Variants in PIK3R4 observed in about 807,000 individuals in gnomAD.
The protein encoded by PIK3R4 is phosphoinositide-3-kinase regulatory subunit 4.
In PIK3R4, 46 loss-of-function variants were observed where a neutral mutation model predicts 136.5. That is an observed-to-expected ratio of 0.34 (90% confidence interval 0.27 to 0.43). The LOEUF (loss-of-function observed/expected upper bound fraction) is 0.43, where lower values mean the gene tolerates loss of function less well. PIK3R4 is among the 20% of genes least tolerant of loss of function. The probability of loss-of-function intolerance (pLI) is 1.00; values close to 1 mark genes in which losing one functional copy is unlikely to be tolerated. For missense variants in PIK3R4, 1,331 were observed against 1,649.5 expected (o/e 0.81, Z 3.35); for synonymous variants, 557 against 566.7 (o/e 0.98, Z 0.24).
At chr3:130,708,232 A>G in intron 10 of PIK3R4, 59 bp downstream of exon 10, 3 of 1,332,458 alleles carry the variant, frequency 2.3e-6, no homozygotes, top group African/African-American at 2.9e-5. Context: ...TAGCTAAAAA[A>G]CAGTCTTATG....
In PIK3R4 at chr3:130,706,312, T is replaced by A. The variant is rs113433067; in HGVS notation, c.2722-541A>T. Among the ~76,000 whole-genome samples, 304 of 152,350 alleles carry A rather than the reference T, an allele frequency of 2.0e-3. 1 individual carries two copies. The highest frequency in any genetic ancestry group is 7.1e-3 in the African/African-American group (296 of 41,580). ...GCCTACCTTAAACATGCTCAGAACC[T>A]TACATTAGCCAACAGTTGGGCAAAT... On this transcript the variant is annotated intron_variant, in intron 11 of 19. Transcript: ENST00000356763.
intron 13 of PIK3R4, among the ~76,000 whole-genome samples, chr3:130,692,648 G>T (rs926656926): frequency 6.6e-6 from 1 of 152,060 alleles, no homozygotes; most frequent in Non-Finnish European, 1.5e-5. Flanking sequence ...TATGAATAAC[G>T]CTGCTATAAA....
intron 9 of PIK3R4, among the ~76,000 whole-genome samples, chr3:130,711,018 G>GAA (rs112435668): frequency 5.4e-4 from 71 of 131,454 alleles, no homozygotes; most frequent in African/African-American, 1.6e-3. Context: ...GAAAAGGAAA[G>GAA]AAAAAAAAAA....
chr3:130,716,569 A>G lies in PIK3R4; in HGVS notation c.2158T>C (p.Leu720=), dbSNP rs774168053. 16 of 1,613,654 alleles carry G rather than the reference A, an allele frequency of 9.9e-6. No individual in the cohort carries two copies. The Admixed American group carries it at 2.5e-4, about 25-fold the overall frequency. ...IERKLVLLSV[L]KEPVSRSIFD... is the part of the protein sequence containing the mutation. ...ATAGAACGACTTACTGGTTCCTTTA[A>G]AACACTGAGCAGAACAAGTTTTCTT... Residue 720 remains leucine (L), a synonymous_variant, in exon 9 of 20, where the codon TTA becomes CTA. Coordinates refer to ENST00000356763, the MANE Select transcript of PIK3R4 (RefSeq NM_014602.3).
chr3:130,734,351 A>G (rs1214678304), intron 3 of PIK3R4, among the ~76,000 whole-genome samples: 1 of 152,206 alleles, frequency 6.6e-6, no homozygotes, highest in East Asian at 1.9e-4. Flanking sequence ...ATGGCTCAGT[A>G]TTCCCCATTT....
intron 6 of PIK3R4, among the ~76,000 whole-genome samples, chr3:130,727,921 A>C (rs1232752727): frequency 2.6e-5 from 4 of 152,156 alleles, no homozygotes; most frequent in Non-Finnish European, 5.9e-5. Flanking sequence ...AAAATCAAGA[A>C]TTGTAAAATG....
chr3:130,744,184 T>C (rs1324516951), intron 2 of PIK3R4, among the ~76,000 whole-genome samples: 1 of 152,184 alleles, frequency 6.6e-6, no homozygotes, highest in African/African-American at 2.4e-5. Flanking sequence ...CACTTTAAAA[T>C]GGAAGCATTA....
chr3:130,711,639 T>C (rs757895965), intron 9 of PIK3R4, among the ~76,000 whole-genome samples: 19 of 152,246 alleles, frequency 1.2e-4, no homozygotes, highest in Non-Finnish European at 2.6e-4. Context: ...GAGTTCTTAG[T>C]AGTGGGACTA....
At chr3:130,716,636 T>C in intron 8 of PIK3R4, 37 bp from the exon 9 acceptor site, 1 of 1,262,662 alleles carries the variant, frequency 7.9e-7, no homozygotes, top group South Asian at 1.3e-5. Flanking sequence ...GCCAAAAATA[T>C]AACATGTACA....
Position 130,686,426 on chromosome 3 carries a change from G to C in PIK3R4, c.3264-4C>G, listed in dbSNP as rs750393626. 38 of 1,577,682 alleles carry C rather than the reference G, an allele frequency of 2.4e-5. No homozygotes were observed. Among genetic ancestry groups the C allele is most frequent in the Non-Finnish European group, 3.5e-6 (4 of 1,146,974 alleles). On this transcript the variant is annotated splice_polypyrimidine_tract_variant and splice_region_variant and intron_variant, in intron 14 of 19. Coordinates refer to ENST00000356763, the MANE Select transcript of PIK3R4 (RefSeq NM_014602.3). ...GTCCTCCTTCTGATCTAGAATTCTA[G>C]AGAAATACACAAAGCACAGACGTTT...
intron 13 of PIK3R4, among the ~76,000 whole-genome samples, chr3:130,695,495 T>G (rs940672114): frequency 3.3e-5 from 5 of 152,280 alleles, no homozygotes; most frequent in African/African-American, 1.2e-4. Context: ...AATCTCACAC[T>G]GTCCTGTTCC....
chr3:130,735,816 T>A (rs1173210984), intron 3 of PIK3R4, 53 bp downstream of exon 3: 1 of 1,504,120 alleles, frequency 6.6e-7, no homozygotes, highest in African/African-American at 1.4e-5. Context: ...AAAGCAAAAG[T>A]GGGAACTAGA....
At chr3:130,736,929 C>T (rs935251933) in intron 2 of PIK3R4, among the ~76,000 whole-genome samples, 1 of 152,152 alleles carries the variant, frequency 6.6e-6, no homozygotes, top group South Asian at 2.1e-4. Context: ...AGATAACTCT[C>T]GTTTTGCACT....
At chr3:130,742,382 T>C (rs180752360) in intron 2 of PIK3R4, among the ~76,000 whole-genome samples, 134 of 152,318 alleles carry the variant, frequency 8.8e-4, no homozygotes, top group African/African-American at 2.8e-3. Context: ...AACCTATGAA[T>C]GATCCCCTGA....
Position 130,744,864 on chromosome 3 carries a change from A to C in PIK3R4, c.355T>G (p.Phe119Val). Residue 119 changes from phenylalanine (F) to valine (V), a missense_variant, in exon 2 of 20, where the codon TTC (phenylalanine) becomes GTC (valine). Phe to Val is a conservative substitution (Grantham distance 50, BLOSUM62 -1). Coordinates refer to ENST00000356763, the MANE Select transcript of PIK3R4 (RefSeq NM_014602.3). ...CAGCGCTTCTCAATGTTATTCAAGA[A>C]TGGACGGGTACTGATGCGATCATAG... ...NLYDRISTRP[F>V]LNNIEKRWIA... 6.2e-7 allele frequency: 1 copy of C among 1,614,204 alleles called. No individual in the cohort carries two copies. Among genetic ancestry groups the C allele is most frequent in the African/African-American group, 1.3e-5 (1 of 75,048 alleles).
At chr3:130,683,533 A>G (rs985786407) in intron 16 of PIK3R4, among the ~76,000 whole-genome samples, 4 of 152,178 alleles carry the variant, frequency 2.6e-5, no homozygotes, top group African/African-American at 9.7e-5. Context: ...GATAAGTCAA[A>G]TAAGAAAAGG....
chr3:130,680,701 G>T lies in PIK3R4; in HGVS notation c.3818C>A (p.Pro1273Gln). The change falls in exon 19 of 20, where the codon CCA becomes CAA. Residue 1273 changes from proline to glutamine, a missense_variant. Physicochemically the swap from Pro to Gln is moderately conservative, Grantham distance 76 (BLOSUM62 -1). Transcript: ENST00000356763. Reference protein sequence around the residue: ...MKIRFWDLAYPERSYVVAGST... With the variant: ...MKIRFWDLAYQERSYVVAGST... ...TCCTGCAACAACATAGGACCTTTCT[G>T]GGTAAGCCAAGTCCCAAAACCTAGG... is the stretch of plus-strand genomic sequence containing the variant. 2 of 1,610,998 alleles carry T rather than the reference G, an allele frequency of 1.2e-6. No individual in the cohort carries two copies. Among genetic ancestry groups the T allele is most frequent in the South Asian group, 2.2e-5 (2 of 90,864 alleles).
At chr3:130,727,181 A>T (rs1487602150) in intron 6 of PIK3R4, among the ~76,000 whole-genome samples, 3 of 152,092 alleles carry the variant, frequency 2.0e-5, no homozygotes, top group African/African-American at 7.2e-5. Flanking sequence ...CAAAAATCAA[A>T]CAGCAAACCT....
At chr3:130,698,286 TTCTG>T (rs2066557688) in intron 13 of PIK3R4, among the ~76,000 whole-genome samples, 1 of 152,212 alleles carries the variant, frequency 6.6e-6, no homozygotes, top group African/African-American at 2.4e-5. Context: ...CAAATATTCT[TTCTG>T]TCCCCTTTTC....
Sources: gnomAD v4.1 joint callset for allele counts (sites outside exome capture counted in the v4.1 genomes callset) on GRCh38, gnomAD v4.1.1 for gene constraint, MANE v1.5 for transcripts, NCBI Gene and HGNC (gene_info 2026-07-23, HGNC 2026-07-21) for gene names.